The following TSC2 variants were observed in gnomAD, a reference collection of about 807,000 sequenced individuals.
TSC2 encodes the protein tuberin.
In TSC2, 29 loss-of-function variants were observed where a neutral mutation model predicts 202.2. The ratio of observed to expected loss-of-function variants is 0.14; its 90% CI spans 0.11 to 0.20. The LOEUF (loss-of-function observed/expected upper bound fraction) is 0.20. Among genes scored for constraint, TSC2 ranks in the 10% least tolerant of loss-of-function variants. TSC2 has a pLI of 1.00. For synonymous variants in TSC2, 1,349 were observed against 1,044.0 expected (o/e 1.29, Z -5.63); for missense variants, 2,429 against 2,420.0 (o/e 1.00, Z -0.08).
At chr16:2,080,927 C>T (rs2090066886) in intron 30 of TSC2, 1 of 169,306 alleles carries the variant, frequency 5.9e-6, no homozygotes, top group African/African-American at 2.4e-5. Flanking sequence ...AGTCCGAGAC[C>T]AAGGTGCTCC....
chr16:2,055,406 C>T lies in TSC2; in HGVS notation c.486C>T (p.Asp162=), dbSNP rs45473598. The change falls in exon 6 of 42, where the codon GAC becomes GAT. Residue 162 remains aspartate (D), a synonymous_variant. Coordinates refer to ENST00000219476, the MANE Select transcript of TSC2 (RefSeq NM_000548.5). The stretch of plus-strand genomic sequence containing the variant: ...CTGCCGCCGCTTCTCCCCCAGCTGA[C>T]TTTGTCCTGCAGTGGATGGATGTTG... ...HITYLEEELA[D]FVLQWMDVGL... 7 of 1,614,146 alleles carry T rather than the reference C, an allele frequency of 4.3e-6. No homozygotes were observed. The highest frequency in any genetic ancestry group is 4.5e-5 in the East Asian group (2 of 44,880).
At chr16:2,057,638 C>T (rs1040841383) in intron 9 of TSC2, among the ~76,000 whole-genome samples, 1 of 152,186 alleles carries the variant, frequency 6.6e-6, no homozygotes, top group East Asian at 1.9e-4. Context: ...CTGAAGCCCA[C>T]TCCATGCAGC....
At chr16:2,053,885 C>T in intron 4 of TSC2, 1 of 458,884 alleles carries the variant, frequency 2.2e-6, no homozygotes, top group Non-Finnish European at 4.3e-6. Context: ...TGGTCGGCCA[C>T]TTCTACTCCT....
At chr16:2,074,629 C>A in intron 22 of TSC2, 1 of 578,800 alleles carries the variant, frequency 1.7e-6, no homozygotes, top group Non-Finnish European at 3.1e-6. Context: ...GAAGCCTCTT[C>A]CCCCCCGAGC....
intron 36 of TSC2, 49 bp downstream of exon 36, chr16:2,085,371 T>C (rs374795871): frequency 1.6e-4 from 253 of 1,598,444 alleles, no homozygotes; most frequent in Non-Finnish European, 2.0e-4. Flanking sequence ...CAGCTGGGCC[T>C]CAGCCTGCAG....
intron 15 of TSC2, 165 bp downstream of exon 15, chr16:2,064,592 G>C (rs1445020613): frequency 7.1e-6 from 7 of 992,664 alleles, no homozygotes; most frequent in South Asian, 5.9e-5. Flanking sequence ...TGCAGGGCCT[G>C]CCACTGCTGG....
At chr16:2,085,872 C>G (rs565834638) in intron 36 of TSC2, among the ~76,000 whole-genome samples, 113 of 152,200 alleles carry the variant, frequency 7.4e-4, no homozygotes, top group African/African-American at 2.7e-3. Flanking sequence ...TGCTGTGTGG[C>G]TCGAGGAGGT....
Position 2,088,657 on chromosome 16 carries a change from C to T in TSC2, c.*47C>T, listed in dbSNP as rs1220020179. 4 of 1,568,002 alleles carry T rather than the reference C, an allele frequency of 2.6e-6. No individual in the cohort carries two copies. Among genetic ancestry groups the T allele is most frequent in the African/African-American group, 2.7e-5 (2 of 73,624 alleles). The stretch of plus-strand genomic sequence containing the variant: ...ACTGGCCTTGGACGGTATTGCCTGT[C>T]AGTGAAATAAATAAAGTCCTGACCC... On this transcript the variant is annotated 3_prime_UTR_variant, in exon 42 of 42. Coordinates refer to ENST00000219476, the MANE Select transcript of TSC2 (RefSeq NM_000548.5).
Position 2,080,757 on chromosome 16 carries a change from T to A in TSC2, c.3610+380T>A, listed in dbSNP as rs571307833. The stretch of plus-strand genomic sequence containing the variant: ...CCTTGGCCTCCCAAAGTGCTGGGAT[T>A]ACAGGCGTGAGCCACCGCGCCCAGC... On this transcript the variant is annotated intron_variant, in intron 30 of 41. Coordinates refer to ENST00000219476, the MANE Select transcript of TSC2 (RefSeq NM_000548.5). 1.6e-4 allele frequency: 42 copies of A among 259,594 alleles called. No homozygotes were observed. In the East Asian group the frequency reaches 2.3e-3, roughly 14 times the overall value. 16.1% of individuals were successfully genotyped at this position (259,594 alleles called of 1,614,324 possible).
In TSC2 at chr16:2,054,450, A is replaced by G. The variant is rs1196443311; in HGVS notation, c.481+10A>G. 6.2e-7 allele frequency: 1 copy of G among 1,613,948 alleles called. No homozygotes were observed. Among genetic ancestry groups the G allele is most frequent in the Non-Finnish European group, 8.5e-7 (1 of 1,180,026 alleles). Reference sequence around the variant, plus strand: ...TTGGAGGAAGAGCTGGGTGGGTGCCACCTTGGGTTGGAGGTTTCTCTGGCC... The same window carrying G: ...TTGGAGGAAGAGCTGGGTGGGTGCCGCCTTGGGTTGGAGGTTTCTCTGGCC... On this transcript the variant is annotated intron_variant, in intron 5 of 41. Coordinates refer to ENST00000219476, the MANE Select transcript of TSC2 (RefSeq NM_000548.5).
At chr16:2,081,478 G>A in intron 30 of TSC2, 117 bp from the exon 31 acceptor site, 2 of 1,305,486 alleles carry the variant, frequency 1.5e-6, no homozygotes, top group Middle Eastern at 2.1e-4. Flanking sequence ...TGGTCCTGAG[G>A]ATTGTGGGAG....
intron 25 of TSC2, 70 bp from the exon 26 acceptor site, chr16:2,077,528 C>T: frequency 6.2e-7 from 1 of 1,607,886 alleles, no homozygotes; most frequent in East Asian, 2.2e-5. Context: ...CTCACCCCTC[C>T]ACTGGCTTGT....
intron 10 of TSC2, among the ~76,000 whole-genome samples, chr16:2,059,813 C>CTAATTAGT (rs2151123761): frequency 6.6e-6 from 1 of 152,216 alleles, no homozygotes; most frequent in Non-Finnish European, 1.5e-5. Context: ...GTCACCGTGC[C>CTAATTAGT]CGGCCAAGGC....
intron 26 of TSC2, 149 bp from the exon 27 acceptor site, chr16:2,078,883 G>C: frequency 1.0e-6 from 1 of 984,054 alleles, no homozygotes; most frequent in Non-Finnish European, 1.6e-6. Flanking sequence ...TGATTCTCAA[G>C]CTGAGGCTCG....
At chr16:2,087,742 G>A in intron 38 of TSC2, 121 bp from the exon 39 acceptor site, 1 of 1,270,910 alleles carries the variant, frequency 7.9e-7, no homozygotes, top group Non-Finnish European at 1.1e-6. Context: ...AGAGGGGAAA[G>A]TTCAGGGGCA....
intron 19 of TSC2, 122 bp from the exon 20 acceptor site, chr16:2,072,119 C>G: frequency 6.4e-7 from 1 of 1,569,620 alleles, no homozygotes. Flanking sequence ...GCTCCCCCGG[C>G]TGAGAACAGG....
intron 5 of TSC2, chr16:2,055,197 C>T: frequency 1.5e-6 from 1 of 647,872 alleles, no homozygotes; most frequent in Non-Finnish European, 2.8e-6. Context: ...GGCGGTAGAT[C>T]CTAGTGTCCG....
In TSC2 at chr16:2,087,871, C is replaced by T. The variant is rs757221445; in HGVS notation, c.4998C>T (p.Phe1666=). The change falls in exon 39 of 42, where the codon TTC becomes TTT. Residue 1666 remains phenylalanine (F), a synonymous_variant. Coordinates refer to ENST00000219476, the MANE Select transcript of TSC2 (RefSeq NM_000548.5). ...TTCTCTTGTCCGGGCAGGGCCAGTT[C>T]AACTTTGTCCACGTGATCGTCACCC... The part of the protein sequence containing the change: ...DFKLGTIKGQ[F]NFVHVIVTPL... The T allele has an allele frequency of 6.2e-7, 1 of 1,612,420 alleles. No homozygotes were observed. The highest frequency in any genetic ancestry group is 8.5e-7 in the Non-Finnish European group (1 of 1,179,924).
At chr16:2,065,119 GAAA>G (rs79069913) in intron 15 of TSC2, 172 of 123,650 alleles carry the variant, frequency 1.4e-3, no homozygotes, top group Non-Finnish European at 2.4e-3. Context: ...GTCTCAAAAA[GAAA>G]AAAAAAAAGG....
Sources: allele counts gnomAD v4.1 joint callset (sites outside exome capture counted in the v4.1 genomes callset), GRCh38; gene constraint gnomAD v4.1.1; transcripts MANE v1.5; gene names NCBI Gene and HGNC (gene_info 2026-07-23, HGNC 2026-07-21).